BMP6: variants seen among roughly 807,000 people sequenced by gnomAD.
The protein encoded by BMP6 is VG-1-R.
Under a neutral mutation model 54.1 loss-of-function variants are expected in BMP6, and 17 were observed. The ratio of observed to expected loss-of-function variants is 0.31; its 90% CI spans 0.22 to 0.47. The LOEUF (loss-of-function observed/expected upper bound fraction) is 0.47, where lower values mean the gene tolerates loss of function less well. Among genes scored for constraint, BMP6 ranks in the 20% least tolerant of loss-of-function variants. The pLI, the probability that BMP6 is intolerant of heterozygous loss-of-function variation, is 1.00. For missense variants in BMP6, 720 were observed against 690.4 expected, an observed-to-expected ratio of 1.04 and a Z score of -0.48; for synonymous variants, 328 against 291.2, an observed-to-expected ratio of 1.13 and a Z score of -1.28.
At chr6:7,822,111 C>T (rs1758619939) in intron 1 of BMP6, among the ~76,000 whole-genome samples, 1 of 152,074 alleles carries the variant, frequency 6.6e-6, no homozygotes, top group Admixed American at 6.5e-5. Context: ...ACCTCCGCCT[C>T]CCAGGTTCAA....
rs1408746381 is a variant in BMP6, at chr6:7,775,522, T to G, written c.664+47903T>G. ...TTTTTATCCATAATACATCCCTGTTTATTGTAATGTAAGAATAATGTTTGT... is the reference window on the plus strand; with the variant it reads ...TTTTTATCCATAATACATCCCTGTTGATTGTAATGTAAGAATAATGTTTGT... On this transcript the variant is annotated intron_variant, in intron 1 of 6. Coordinates refer to ENST00000283147, the MANE Select transcript of BMP6 (RefSeq NM_001718.6). Among the ~76,000 whole-genome samples the G allele has an allele frequency of 2.6e-5, 4 of 152,244 alleles. No homozygotes were observed. The East Asian group carries it at 5.8e-4, about 22-fold the overall frequency.
intron 1 of BMP6, among the ~76,000 whole-genome samples, chr6:7,776,468 G>C (rs1757861743): frequency 6.6e-6 from 1 of 152,216 alleles, no homozygotes; most frequent in Non-Finnish European, 1.5e-5. Flanking sequence ...CTTTTATTTA[G>C]TTGGCAAGTC....
At chr6:7,801,331 G>A (rs904178648) in intron 1 of BMP6, among the ~76,000 whole-genome samples, 2 of 152,156 alleles carry the variant, frequency 1.3e-5, no homozygotes, top group Admixed American at 6.5e-5. Context: ...GTGCTTCATC[G>A]CTGAGCGGTG....
intron 4 of BMP6, among the ~76,000 whole-genome samples, chr6:7,863,546 C>T (rs1642638626): frequency 1.3e-5 from 2 of 152,162 alleles, no homozygotes; most frequent in African/African-American, 4.8e-5. Flanking sequence ...GGGTTGCGTC[C>T]TCCAACCTGA....
At chr6:7,825,460 C>T (rs763485194) in intron 1 of BMP6, among the ~76,000 whole-genome samples, 11 of 152,120 alleles carry the variant, frequency 7.2e-5, no homozygotes, top group Non-Finnish European at 1.3e-4. Flanking sequence ...GTGGATCACA[C>T]CTGTCATCCC....
At chr6:7,750,784 A>G (rs1173697209) in intron 1 of BMP6, among the ~76,000 whole-genome samples, 1 of 152,192 alleles carries the variant, frequency 6.6e-6, no homozygotes, top group Non-Finnish European at 1.5e-5. Context: ...TTTCTTTTTA[A>G]GTCAGGTTTC....
In BMP6 at chr6:7,862,355, A is replaced by G. The variant is rs776918722; in HGVS notation, c.1061A>G (p.Asp354Gly). 1.9e-6 allele frequency: 3 copies of G among 1,614,050 alleles called. No individual in the cohort carries two copies. The highest frequency in any genetic ancestry group is 3.3e-5 in the Admixed American group (2 of 60,008). ...AGLVGRDGPYDKQPFMVAFFK... is the reference protein window; with the variant it reads ...AGLVGRDGPYGKQPFMVAFFK... ...CTGGTGGGCAGAGACGGCCCTTACG[A>G]CAAGCAGCCCTTCATGGTGGCTTTC... Residue 354 changes from aspartate (D) to glycine (G), a missense_variant, in exon 4 of 7, where the codon GAC becomes GGC. Asp to Gly is a moderately conservative substitution (Grantham distance 94). Around this residue, in one of 3 missense-constraint regions of BMP6, gnomAD observed 650 missense variants for 556.3 expected, o/e 1.17. Transcript: ENST00000283147.
intron 1 of BMP6, among the ~76,000 whole-genome samples, chr6:7,841,438 A>T (rs1450511139): frequency 2.0e-5 from 3 of 152,230 alleles, no homozygotes; most frequent in Non-Finnish European, 2.9e-5. Flanking sequence ...CATTGGAAAC[A>T]TTACTGTTTT....
intron 4 of BMP6, among the ~76,000 whole-genome samples, chr6:7,867,216 C>CA (rs1759438360): frequency 6.6e-6 from 1 of 152,150 alleles, no homozygotes; most frequent in Admixed American, 6.5e-5. Flanking sequence ...TTCCCACCCC[C>CA]AAACATGTAT....
intron 1 of BMP6, among the ~76,000 whole-genome samples, chr6:7,844,450 GT>G (rs1467400748): frequency 6.6e-6 from 1 of 151,864 alleles, no homozygotes; most frequent in Non-Finnish European, 1.5e-5. Flanking sequence ...TTAAATGGGG[GT>G]TCCAGCAACT....
At chr6:7,810,113 G>A (rs1758414299) in intron 1 of BMP6, among the ~76,000 whole-genome samples, 1 of 152,120 alleles carries the variant, frequency 6.6e-6, no homozygotes, top group Non-Finnish European at 1.5e-5. Flanking sequence ...TGTATGTATT[G>A]ATGGGGAAAA....
intron 1 of BMP6, 73 bp downstream of exon 1, chr6:7,727,692 G>A: frequency 7.2e-7 from 1 of 1,390,296 alleles, no homozygotes; most frequent in Non-Finnish European, 9.3e-7. Flanking sequence ...GGGATGGAGT[G>A]AGGGGGTGGA....
intron 4 of BMP6, among the ~76,000 whole-genome samples, chr6:7,878,642 T>C (rs1217964791): frequency 6.8e-6 from 1 of 147,908 alleles, no homozygotes; most frequent in African/African-American, 2.6e-5. Context: ...CCGGCAGCTG[T>C]CTTGAAAGCC....
At chr6:7,821,150 T>G (rs1758605573) in intron 1 of BMP6, among the ~76,000 whole-genome samples, 1 of 152,228 alleles carries the variant, frequency 6.6e-6, no homozygotes, top group Non-Finnish European at 1.5e-5. Context: ...CAGGGCAACT[T>G]CAGCCTTCTT....
intron 1 of BMP6, among the ~76,000 whole-genome samples, chr6:7,779,128 A>G (rs1757903139): frequency 6.6e-6 from 1 of 152,230 alleles, no homozygotes; most frequent in Non-Finnish European, 1.5e-5. Flanking sequence ...GGAGCCGAGT[A>G]GGAGGACCCA....
At chr6:7,727,979 G>A (rs1923409) in intron 1 of BMP6, among the ~76,000 whole-genome samples, 78,514 of 151,686 alleles carry the variant, frequency 0.52, 21,004 homozygotes, top group African/African-American at 0.67. Flanking sequence ...ACTGCAGCAG[G>A]AGAGTCCAGC....
intron 4 of BMP6, among the ~76,000 whole-genome samples, 186 bp downstream of exon 4, chr6:7,862,684 C>T (rs1759356123): frequency 6.6e-6 from 1 of 152,182 alleles, no homozygotes; most frequent in African/African-American, 2.4e-5. Flanking sequence ...GGGCCCTCAG[C>T]CTGGAACACT....
At chr6:7,788,570 G>C (rs1036113282) in intron 1 of BMP6, among the ~76,000 whole-genome samples, 1 of 152,136 alleles carries the variant, frequency 6.6e-6, no homozygotes, top group African/African-American at 2.4e-5. Context: ...CCTATGAATT[G>C]TAACACTGTA....
intron 2 of BMP6, among the ~76,000 whole-genome samples, chr6:7,861,168 C>T (rs974184664): frequency 6.8e-6 from 1 of 147,778 alleles, no homozygotes; most frequent in Non-Finnish European, 1.5e-5. Context: ...TCATAAGCAG[C>T]ACTAGCAAGA....
Sources: gnomAD v4.1 joint callset for allele counts (sites outside exome capture counted in the v4.1 genomes callset) on GRCh38, gnomAD v4.1.1 for gene constraint, gnomAD v4.1.1 regional missense constraint, MANE v1.5 for transcripts, NCBI Gene and HGNC (gene_info 2026-07-23, HGNC 2026-07-21) for gene names.